ATP1A1: variants seen among roughly 807,000 people sequenced by gnomAD.
The protein encoded by ATP1A1 is sodium/potassium-transporting ATPase subunit alpha-1.
Under a neutral mutation model 114.8 loss-of-function variants are expected in ATP1A1, and 14 were observed. The ratio of observed to expected loss-of-function variants is 0.12; its 90% CI spans 0.08 to 0.19. The LOEUF (loss-of-function observed/expected upper bound fraction) is 0.19, where lower values mean the gene tolerates loss of function less well. Ranked by LOEUF, ATP1A1 falls within the 10% of genes least tolerant of loss-of-function variation. The probability of loss-of-function intolerance (pLI) is 1.00; values close to 1 mark genes in which losing one functional copy is unlikely to be tolerated. For synonymous variants in ATP1A1, 471 were observed against 466.3 expected (o/e 1.01, Z -0.13); for missense variants, 524 against 1,290.7 (o/e 0.41, Z 9.10).
At position 116,397,102 on chromosome 1, in the gene ATP1A1, C is replaced by T. The variant is rs1652992787; in HGVS notation, c.1973+368C>T. Among the ~76,000 whole-genome samples the T allele has an allele frequency of 6.6e-6, 1 of 152,124 alleles. No homozygotes were observed. ...AACCACTGAGCTCTACTGCCTAGCA[C>T]CTAGCATCTTGACACTTTCCAGGTC... is the stretch of plus-strand genomic sequence containing the variant. On this transcript the variant is annotated intron_variant, in intron 14 of 22. Coordinates refer to ENST00000295598, the MANE Select transcript of ATP1A1 (RefSeq NM_000701.8). This position sits in a 1 kb window ranked among gnomAD's most constrained non-coding sequence, Gnocchi z 4.2.
rs545614799 is a variant in ATP1A1, at chr1:116,403,890, C to G, written c.2958C>G (p.Thr986=). The part of the protein sequence containing the change: ...VALRMYPLKP[T]WWFCAFPYSL... Reference sequence around the variant, plus strand: ...TACCTTACTCTATTTCCAGACCTACCTGGTGGTTCTGTGCCTTCCCCTACT... The same window carrying G: ...TACCTTACTCTATTTCCAGACCTACGTGGTGGTTCTGTGCCTTCCCCTACT... The change falls in exon 22 of 23, where the codon ACC becomes ACG. Residue 986 remains threonine (T), a synonymous_variant. Transcript: ENST00000295598. 11 of 1,613,634 alleles carry G rather than the reference C, an allele frequency of 6.8e-6. No individual in the cohort carries two copies. In the East Asian group the frequency reaches 2.5e-4, roughly 36 times the overall value.
At position 116,399,216 on chromosome 1, in the gene ATP1A1, T is replaced by A. The variant is rs2101062636; in HGVS notation, c.2448+132T>A. On this transcript the variant is annotated intron_variant, in intron 17 of 22. Transcript: ENST00000295598. This position sits in a 1 kb window ranked among gnomAD's most constrained non-coding sequence, Gnocchi z 5.0. ...ATTCTCAGGACCAGTATCCAGTGTG[T>A]GTCCCAATCCCGGCTTCACAGAATC... The A allele has an allele frequency of 5.6e-6, 8 of 1,421,654 alleles. No individual in the cohort carries two copies. The East Asian group carries it at 1.6e-4, about 29-fold the overall frequency. The allele number at this position is 1,421,654 out of a possible 1,614,324, so 88.1% of individuals were successfully genotyped here.
In ATP1A1 at chr1:116,398,532, A is replaced by G. The variant is rs1653124594; in HGVS notation, c.2125-89A>G. On this transcript the variant is annotated intron_variant, in intron 15 of 22. Transcript: ENST00000295598. This position sits in a 1 kb window ranked among gnomAD's most constrained non-coding sequence, Gnocchi z 6.1. ...TCAATAGGAAAGGAGCAGTGTCTGT[A>G]ATGAGTGCTCAGTGGGGGCATGCAT... is the stretch of plus-strand genomic sequence containing the variant. The G allele has an allele frequency of 1.9e-5, 28 of 1,480,490 alleles. No individual in the cohort carries two copies. In the South Asian group the frequency reaches 3.2e-4, roughly 17 times the overall value. The allele number at this position is 1,480,490 out of a possible 1,614,324, so 91.7% of individuals were successfully genotyped here.
chr1:116,378,581 G>A (rs1218559994), intron 1 of ATP1A1, among the ~76,000 whole-genome samples: 1 of 152,126 alleles, frequency 6.6e-6, no homozygotes. Flanking sequence ...GGTCCCTAAT[G>A]CACTTTGGGG....
At chr1:116,391,062 G>A (rs550313593) in intron 10 of ATP1A1, among the ~76,000 whole-genome samples, 171 bp downstream of exon 10, 5 of 152,200 alleles carry the variant, frequency 3.3e-5, no homozygotes, top group African/African-American at 7.2e-5. Flanking sequence ...GTTGCCTGTA[G>A]ATCCTGATGT....
chr1:116,393,947 G>A lies in ATP1A1; in HGVS notation c.1660+224G>A, dbSNP rs546117877. Reference sequence around the variant, plus strand: ...ATTGGGCTGTGAGAAACAACGTCCTGATGGTTTGCTTCTGACTTGTACTTA... The same window carrying A: ...ATTGGGCTGTGAGAAACAACGTCCTAATGGTTTGCTTCTGACTTGTACTTA... On this transcript the variant is annotated intron_variant, in intron 12 of 22. Coordinates refer to ENST00000295598, the MANE Select transcript of ATP1A1 (RefSeq NM_000701.8). This position sits in a 1 kb window ranked among gnomAD's most constrained non-coding sequence, Gnocchi z 5.0. Among the ~76,000 whole-genome samples, 2 of 152,254 alleles carry A rather than the reference G, an allele frequency of 1.3e-5. No individual in the cohort carries two copies. The highest frequency in any genetic ancestry group is 3.9e-4 in the East Asian group (2 of 5,180).
In ATP1A1 at chr1:116,398,780, G is replaced by A. The variant is rs138064651; in HGVS notation, c.2284G>A (p.Val762Ile). Residue 762 changes from valine (V) to isoleucine (I), a missense_variant, in exon 16 of 23, where the codon GTA becomes ATA. Val to Ile is a conservative substitution (Grantham distance 29). Transcript: ENST00000295598. The surrounding 1 kb of genome is among the most constrained non-coding windows in gnomAD (Gnocchi z 6.1). ...DDNFASIVTG[V>I]EEGRLIFDNL... ...CAACTTTGCCTCAATTGTGACTGGA[G>A]TAGAGGAAGGTGAGAGCTATTTAAG... 1 of 1,614,128 alleles carries A rather than the reference G, an allele frequency of 6.2e-7. No individual in the cohort carries two copies. Among genetic ancestry groups the A allele is most frequent in the South Asian group, 1.1e-5 (1 of 91,076 alleles).
At chr1:116,376,716 G>T (rs989009818) in intron 1 of ATP1A1, among the ~76,000 whole-genome samples, 1 of 152,116 alleles carries the variant, frequency 6.6e-6, no homozygotes, top group East Asian at 1.9e-4. Flanking sequence ...GAAAGGGAGA[G>T]GCCTGCCTCC....
chr1:116,390,494 T>A, intron 9 of ATP1A1, 83 bp downstream of exon 9: 10 of 449,340 alleles, frequency 2.2e-5, no homozygotes, highest in Non-Finnish European at 3.2e-5. Flanking sequence ...ATGAAATTTC[T>A]TTTTTTTTTT....
chr1:116,392,721 C>G (rs2101050465), intron 10 of ATP1A1, 133 bp from the exon 11 acceptor site: 1 of 1,110,196 alleles, frequency 9.0e-7, no homozygotes, highest in South Asian at 1.6e-5. Context: ...CTTAACACCG[C>G]TGCTTCCTTC....
rs914030909 is a variant in ATP1A1 at position 116,404,512 on chromosome 1, T to A, written c.*68T>A. On this transcript the variant is annotated 3_prime_UTR_variant, in exon 23 of 23. Coordinates refer to ENST00000295598, the MANE Select transcript of ATP1A1 (RefSeq NM_000701.8). This position sits in a 1 kb window ranked among gnomAD's most constrained non-coding sequence, Gnocchi z 4.8. ...GCATCCGACACCCACCCCCTCTTTG[T>A]GTACTTCAGTCTTGGAGTTTGGAAC... 11 of 1,556,572 alleles carry A rather than the reference T, an allele frequency of 7.1e-6. No homozygotes were observed. In the African/African-American group the frequency reaches 1.4e-4, roughly 20 times the overall value.
In ATP1A1 at chr1:116,390,403, A is replaced by G. The variant is rs1246192772; in HGVS notation, c.1214A>G (p.Asn405Ser). ...ATCCATGAAGCTGATACGACAGAGA[A>G]TCAGAGTGGTAAGGCCAGGGTTACC... ...NQIHEADTTE[N>S]QSGVSFDKTS... Residue 405 changes from asparagine (N) to serine (S), a missense_variant, in exon 9 of 23, where the codon AAT (asparagine) becomes AGT (serine). By Grantham distance (46) the Asn-to-Ser change is conservative. This residue lies in a region of ATP1A1 where 143 missense variants were observed against 259.3 expected (regional missense o/e 0.55). Coordinates refer to ENST00000295598, the MANE Select transcript of ATP1A1 (RefSeq NM_000701.8). 6.2e-7 allele frequency: 1 copy of G among 1,614,044 alleles called. No individual in the cohort carries two copies. The highest frequency in any genetic ancestry group is 8.5e-7 in the Non-Finnish European group (1 of 1,180,044).
chr1:116,391,156 G>C (rs914848948), intron 10 of ATP1A1, among the ~76,000 whole-genome samples: 2 of 152,136 alleles, frequency 1.3e-5, no homozygotes, highest in African/African-American at 2.4e-5. Flanking sequence ...GGGAGGAGAC[G>C]GAAGACAGTC....
chr1:116,383,862 A>C, intron 1 of ATP1A1, 152 bp from the exon 2 acceptor site: 1 of 636,554 alleles, frequency 1.6e-6, no homozygotes, highest in African/African-American at 1.8e-5. Context: ...TGTAGTAGGC[A>C]ATATATGGGT....
intron 1 of ATP1A1, among the ~76,000 whole-genome samples, chr1:116,377,469 C>T (rs1485238333): frequency 2.0e-5 from 3 of 152,206 alleles, no homozygotes; most frequent in Non-Finnish European, 4.4e-5. Context: ...GTTAATTGCC[C>T]TTCATAGGAA....
rs929336944 is a variant in ATP1A1 at position 116,404,646 on chromosome 1, T to C, written c.*202T>C. The C allele has an allele frequency of 2.4e-5, 31 of 1,305,774 alleles. No individual in the cohort carries two copies. The highest frequency in any genetic ancestry group is 2.7e-5 in the Non-Finnish European group (28 of 1,031,406). 80.9% of individuals were successfully genotyped at this position (1,305,774 alleles called of 1,614,324 possible). ...GAGGGCTGCCTGAAAACCATCCATCTGTGGAAATGACAGCGGGGAAGGTTT... is the reference window on the plus strand; with the variant it reads ...GAGGGCTGCCTGAAAACCATCCATCCGTGGAAATGACAGCGGGGAAGGTTT... On this transcript the variant is annotated 3_prime_UTR_variant, in exon 23 of 23. Coordinates refer to ENST00000295598, the MANE Select transcript of ATP1A1 (RefSeq NM_000701.8). This position sits in a 1 kb window ranked among gnomAD's most constrained non-coding sequence, Gnocchi z 4.8.
Position 116,399,640 on chromosome 1 carries a change from C to A in ATP1A1, c.2572+97C>A. The A allele has an allele frequency of 2.0e-6, 3 of 1,534,404 alleles. No homozygotes were observed. Among genetic ancestry groups the A allele is most frequent in the Non-Finnish European group, 1.8e-6 (2 of 1,132,222 alleles). On this transcript the variant is annotated intron_variant, in intron 18 of 22. Coordinates refer to ENST00000295598, the MANE Select transcript of ATP1A1 (RefSeq NM_000701.8). This position sits in a 1 kb window ranked among gnomAD's most constrained non-coding sequence, Gnocchi z 5.0. ...AGGTTGATTTCAGAGACTGCAAATC[C>A]AGGCGACTTTCAGGTCTAGGATGAG...
At chr1:116,374,102 G>A (rs2101026237) in intron 1 of ATP1A1, 11 of 1,475,024 alleles carry the variant, frequency 7.5e-6, no homozygotes, top group Non-Finnish European at 9.9e-6. Flanking sequence ...TTCTCCTGGG[G>A]ACGCTGGGGC....
intron 1 of ATP1A1, among the ~76,000 whole-genome samples, chr1:116,377,868 A>T (rs1428547485): frequency 6.6e-6 from 1 of 152,226 alleles, no homozygotes; most frequent in Non-Finnish European, 1.5e-5. Flanking sequence ...ATTACACTGA[A>T]AGTACATGTC....
Sources: allele counts gnomAD v4.1 joint callset (sites outside exome capture counted in the v4.1 genomes callset), GRCh38; gene constraint gnomAD v4.1.1; regional missense constraint gnomAD v4.1.1; non-coding constraint Gnocchi (gnomAD v3.1); transcripts MANE v1.5; gene names NCBI Gene and HGNC (gene_info 2026-07-23, HGNC 2026-07-21).